TAFA2: variants seen among roughly 807,000 people sequenced by gnomAD.
The protein encoded by TAFA2 is TAFA chemokine like family member 2, also known as chemokine-like protein TAFA-2.
A neutral mutation model predicts 18.8 loss-of-function variants in TAFA2; 7 were observed. The ratio of observed to expected loss-of-function variants is 0.37; its 90% CI spans 0.21 to 0.70. The LOEUF is 0.70. Ranked by LOEUF, TAFA2 falls within the 30% of genes least tolerant of loss-of-function variation. TAFA2 has a pLI of 0.53. For missense variants in TAFA2, 122 were observed against 158.1 expected (o/e 0.77, Z 1.23); for synonymous variants, 60 against 54.2 (o/e 1.11, Z -0.47).
chr12:61,982,553 G>T (rs1014273352), intron 1 of TAFA2, among the ~76,000 whole-genome samples: 1 of 152,046 alleles, frequency 6.6e-6, no homozygotes, highest in Non-Finnish European at 1.5e-5. Context: ...TTCTTAACAT[G>T]TATCCATGTT....
chr12:62,247,488 G>C (rs1468116499), intron 1 of TAFA2, among the ~76,000 whole-genome samples: 1 of 152,110 alleles, frequency 6.6e-6, no homozygotes, highest in Non-Finnish European at 1.5e-5. Context: ...AGCTCCTCGA[G>C]TTTTCCTACT....
intron 2 of TAFA2, among the ~76,000 whole-genome samples, chr12:61,770,041 A>ATTT (rs1869959453): frequency 6.6e-6 from 1 of 152,070 alleles, no homozygotes; most frequent in Non-Finnish European, 1.5e-5. Flanking sequence ...TGGCATAAAC[A>ATTT]AAAAACAATC....
chr12:61,973,598 C>G (rs1247327459), intron 1 of TAFA2, among the ~76,000 whole-genome samples: 1 of 151,558 alleles, frequency 6.6e-6, no homozygotes, highest in Non-Finnish European at 1.5e-5. Flanking sequence ...ATCTCAATCC[C>G]CTAGGGTGAG....
At chr12:61,754,680 A>G (rs1213802109) in intron 3 of TAFA2, among the ~76,000 whole-genome samples, 192 bp downstream of exon 3, 1 of 151,992 alleles carries the variant, frequency 6.6e-6, no homozygotes, top group Non-Finnish European at 1.5e-5. Flanking sequence ...ACAGAACTGC[A>G]TAATATTTTA....
intron 1 of TAFA2, among the ~76,000 whole-genome samples, chr12:61,916,342 C>T (rs193285282): frequency 2.6e-5 from 4 of 152,284 alleles, no homozygotes; most frequent in Admixed American, 2.0e-4. Context: ...TAAACTTCCA[C>T]ATAATAGAGA....
chr12:61,942,154 C>CAG (rs1878056554), intron 1 of TAFA2, among the ~76,000 whole-genome samples: 1 of 148,184 alleles, frequency 6.7e-6, no homozygotes, highest in Admixed American at 6.7e-5. Flanking sequence ...CCCTGACCCC[C>CAG]GAGCAGCCTA....
At chr12:61,922,755 A>G (rs772521088) in intron 1 of TAFA2, among the ~76,000 whole-genome samples, 1 of 151,774 alleles carries the variant, frequency 6.6e-6, no homozygotes, top group African/African-American at 2.4e-5. Context: ...AGAACCATTC[A>G]CTCCCATGGA....
chr12:61,727,313 GT>G (rs1246376958), intron 4 of TAFA2, among the ~76,000 whole-genome samples: 2 of 150,374 alleles, frequency 1.3e-5, no homozygotes, highest in African/African-American at 4.9e-5. Flanking sequence ...ATTCTTCTTT[GT>G]TTTATAAATT....
chr12:62,043,092 T>C (rs1369319099), intron 1 of TAFA2, among the ~76,000 whole-genome samples: 1 of 152,164 alleles, frequency 6.6e-6, no homozygotes, highest in South Asian at 2.1e-4. Flanking sequence ...ATGTAAAATA[T>C]GTCATTTTAA....
At chr12:62,250,509 T>C (rs537197925) in intron 1 of TAFA2, among the ~76,000 whole-genome samples, 19 of 152,144 alleles carry the variant, frequency 1.2e-4, no homozygotes, top group Non-Finnish European at 2.4e-4. Flanking sequence ...TGTGTGGGTG[T>C]GTATGTGTGT....
chr12:61,979,704 A>G (rs1879562799), intron 1 of TAFA2, among the ~76,000 whole-genome samples: 1 of 152,102 alleles, frequency 6.6e-6, no homozygotes, highest in South Asian at 2.1e-4. Context: ...AATAAAGAAG[A>G]AAAGAAAAAC....
intron 2 of TAFA2, among the ~76,000 whole-genome samples, chr12:61,822,102 C>T (rs1872344236): frequency 6.6e-6 from 1 of 151,938 alleles, no homozygotes; most frequent in South Asian, 2.1e-4. Flanking sequence ...TTATTTTTCT[C>T]ATTGATTCTG....
intron 1 of TAFA2, among the ~76,000 whole-genome samples, chr12:61,973,268 T>C (rs190133019): frequency 7.2e-4 from 109 of 151,756 alleles, no homozygotes; most frequent in Middle Eastern, 3.4e-3. Context: ...CCCTCACTTA[T>C]ACAATGTGAA....
intron 4 of TAFA2, among the ~76,000 whole-genome samples, chr12:61,749,362 G>A (rs571902836): frequency 6.6e-6 from 1 of 152,154 alleles, no homozygotes; most frequent in South Asian, 2.1e-4. Context: ...CTTGGATCAA[G>A]CCATGCATTC....
chr12:62,193,347 C>A (rs2062635741), upstream of TAFA2, among the ~76,000 whole-genome samples: 1 of 152,150 alleles, frequency 6.6e-6, no homozygotes. Flanking sequence ...AGTTTTCATA[C>A]CTCTTTTTCA....
chr12:61,739,236 C>G (rs897120855), intron 4 of TAFA2, among the ~76,000 whole-genome samples: 2 of 151,964 alleles, frequency 1.3e-5, no homozygotes, highest in Non-Finnish European at 1.5e-5. Context: ...ATCATTATGC[C>G]ATCCTTGAAG....
chr12:61,972,799 A>G (rs1332345751), intron 1 of TAFA2, among the ~76,000 whole-genome samples: 1 of 151,552 alleles, frequency 6.6e-6, no homozygotes, highest in Admixed American at 6.6e-5. Flanking sequence ...GAAAAGAAGC[A>G]TACAAAAGAT....
chr12:61,753,516 C>A, intron 4 of TAFA2, 106 bp downstream of exon 4: 1 of 1,038,378 alleles, frequency 9.6e-7, no homozygotes, highest in Non-Finnish European at 1.4e-6. Context: ...TCTTGCAAAA[C>A]TATACTCTTC....
chr12:62,155,490 C>G (rs911140269), intron 1 of TAFA2, among the ~76,000 whole-genome samples: 1 of 152,098 alleles, frequency 6.6e-6, no homozygotes, highest in Non-Finnish European at 1.5e-5. Flanking sequence ...ATAGCCAAAT[C>G]AAGACTAAGC....
Sources: gnomAD v4.1 joint callset for allele counts (sites outside exome capture counted in the v4.1 genomes callset) on GRCh38, gnomAD v4.1.1 for gene constraint, MANE v1.5 for transcripts, NCBI Gene and HGNC (gene_info 2026-07-23, HGNC 2026-07-21) for gene names.